The following NKAIN2 variants were observed in gnomAD, a reference collection of about 807,000 sequenced individuals.
NKAIN2 encodes sodium/potassium transporting ATPase interacting 2.
A neutral mutation model predicts 32.6 loss-of-function variants in NKAIN2; 14 were observed. The ratio of observed to expected loss-of-function variants is 0.43; its 90% CI spans 0.28 to 0.67. The LOEUF is 0.67. Ranked by LOEUF, NKAIN2 falls within the 30% of genes least tolerant of loss-of-function variation. NKAIN2 has a pLI of 0.17. For synonymous variants in NKAIN2, 80 were observed against 87.2 expected (o/e 0.92, Z 0.46); for missense variants, 198 against 258.3 (o/e 0.77, Z 1.60).
intron 4 of NKAIN2, among the ~76,000 whole-genome samples, chr6:124,674,867 C>T (rs1773278915): frequency 6.6e-6 from 1 of 151,898 alleles, no homozygotes; most frequent in Non-Finnish European, 1.5e-5. Context: ...CCTAATTTAT[C>T]TTGGTGAGGA....
chr6:123,980,755 C>G (rs1324565209), intron 1 of NKAIN2, among the ~76,000 whole-genome samples: 1 of 152,064 alleles, frequency 6.6e-6, no homozygotes, highest in Non-Finnish European at 1.5e-5. Context: ...TACTTGTTTT[C>G]TGTAAGATTT....
At chr6:124,547,935 G>A (rs1170816000) in intron 3 of NKAIN2, among the ~76,000 whole-genome samples, 2 of 152,010 alleles carry the variant, frequency 1.3e-5, no homozygotes, top group African/African-American at 2.4e-5. Context: ...TAGCCATTCA[G>A]GTCAGTGCAA....
chr6:124,557,338 C>T (rs1197950821), intron 3 of NKAIN2, among the ~76,000 whole-genome samples: 2 of 152,058 alleles, frequency 1.3e-5, no homozygotes, highest in Non-Finnish European at 2.9e-5. Flanking sequence ...AGATGACTTG[C>T]CTTTCCCTAA....
intron 1 of NKAIN2, among the ~76,000 whole-genome samples, chr6:123,919,786 A>T (rs1176776786): frequency 1.3e-5 from 2 of 152,138 alleles, no homozygotes; most frequent in Non-Finnish European, 2.9e-5. Context: ...AGGATGCTGT[A>T]CCATTCATTT....
chr6:124,242,963 A>G (rs112986794), intron 1 of NKAIN2, among the ~76,000 whole-genome samples: 1 of 151,704 alleles, frequency 6.6e-6, no homozygotes, highest in African/African-American at 2.4e-5. Context: ...GATGAAGTGA[A>G]CCACCATGGC....
intron 3 of NKAIN2, among the ~76,000 whole-genome samples, chr6:124,550,593 G>T (rs1373314854): frequency 1.3e-5 from 2 of 152,084 alleles, no homozygotes; most frequent in Non-Finnish European, 2.9e-5. Context: ...CAGCCACAGG[G>T]GTTGACTTTT....
intron 3 of NKAIN2, among the ~76,000 whole-genome samples, chr6:124,398,252 C>CAAAAAAAAAAAAAAAAAAAAAAAAAAAAA (rs869039720): frequency 4.3e-5 from 3 of 69,070 alleles, no homozygotes; most frequent in Non-Finnish European, 5.1e-5. Flanking sequence ...GACTGCATCT[C>CAAAAAAAAAAAAAAAAAAAAAAAAAAAAA]AAAAAAAAAA....
chr6:124,492,525 A>C (rs7751783), intron 3 of NKAIN2, among the ~76,000 whole-genome samples: 73,431 of 151,614 alleles, frequency 0.48, 18,335 homozygotes, highest in African/African-American at 0.6. Flanking sequence ...TGTCTCTTAG[A>C]TAATGGTTTT....
At chr6:123,889,363 C>T (rs1773888362) in intron 1 of NKAIN2, among the ~76,000 whole-genome samples, 1 of 152,058 alleles carries the variant, frequency 6.6e-6, no homozygotes, top group Non-Finnish European at 1.5e-5. Context: ...TTTTCTACCC[C>T]AGAATGACCT....
At chr6:124,475,232 G>A (rs1343143339) in intron 3 of NKAIN2, among the ~76,000 whole-genome samples, 1 of 151,998 alleles carries the variant, frequency 6.6e-6, no homozygotes, top group African/African-American at 2.4e-5. Context: ...GAGCAGGGTG[G>A]CCTCGCCTTT....
At chr6:124,722,605 C>T (rs1050875495) in intron 4 of NKAIN2, among the ~76,000 whole-genome samples, 4 of 152,156 alleles carry the variant, frequency 2.6e-5, no homozygotes, top group African/African-American at 9.7e-5. Context: ...AGAACCTAAT[C>T]CTGCCACTGA....
chr6:124,168,039 A>T (rs949099350), intron 1 of NKAIN2, among the ~76,000 whole-genome samples: 1 of 152,206 alleles, frequency 6.6e-6, no homozygotes, highest in African/African-American at 2.4e-5. Context: ...ATTCTGCCTC[A>T]ATGCCACATT....
intron 3 of NKAIN2, among the ~76,000 whole-genome samples, chr6:124,441,794 G>T (rs1583258825): frequency 6.6e-6 from 1 of 152,108 alleles, no homozygotes; most frequent in South Asian, 2.1e-4. Context: ...ACAAAACATA[G>T]AATTACTACC....
intron 3 of NKAIN2, among the ~76,000 whole-genome samples, chr6:124,603,062 T>C (rs576197703): frequency 7.5e-4 from 114 of 152,128 alleles, no homozygotes; most frequent in African/African-American, 2.6e-3. Context: ...ATTTATAATA[T>C]GTGCTACATT....
At chr6:124,367,560 T>A (rs1239095964) in intron 3 of NKAIN2, among the ~76,000 whole-genome samples, 2 of 152,192 alleles carry the variant, frequency 1.3e-5, no homozygotes, top group Admixed American at 6.5e-5. Context: ...ATCACTTTGA[T>A]ATCTTTTTAA....
chr6:124,523,176 AT>A (rs1314693559), intron 3 of NKAIN2, among the ~76,000 whole-genome samples: 4 of 151,422 alleles, frequency 2.6e-5, no homozygotes, highest in African/African-American at 4.8e-5. Flanking sequence ...CTTTAACTGA[AT>A]TTTTTTTCTA....
rs570215141 is a variant in NKAIN2, at chr6:123,896,942, C to T, written c.54+92688C>T. 6.6e-5 allele frequency among the ~76,000 whole-genome samples: 10 copies of T among 152,262 alleles called. No homozygotes were observed. In the East Asian group the frequency reaches 1.9e-3, roughly 29 times the overall value. On this transcript the variant is annotated intron_variant, in intron 1 of 6. Transcript: ENST00000368417. ...CAAGTATACCTGCAACCCCACATTT[C>T]TTGTCTAAGTGAATGACCCCAATTA...
intron 1 of NKAIN2, among the ~76,000 whole-genome samples, chr6:123,926,355 A>G (rs142974084): frequency 0.013 from 2,032 of 152,198 alleles, 28 homozygotes; most frequent in Middle Eastern, 0.031. Context: ...ATCCACATTT[A>G]CCTTTAAGTA....
intron 3 of NKAIN2, among the ~76,000 whole-genome samples, chr6:124,627,277 A>AAATT (rs1783390832): frequency 6.6e-6 from 1 of 152,214 alleles, no homozygotes; most frequent in Non-Finnish European, 1.5e-5. Flanking sequence ...CTCAAAAAAA[A>AAATT]AATTAAACTA....
Sources: allele counts gnomAD v4.1 joint callset (sites outside exome capture counted in the v4.1 genomes callset), GRCh38; gene constraint gnomAD v4.1.1; transcripts MANE v1.5; gene names NCBI Gene and HGNC (gene_info 2026-07-23, HGNC 2026-07-21).